NPAS3: variants seen among roughly 807,000 people sequenced by gnomAD.
NPAS3 encodes neuronal PAS domain-containing protein 3.
In NPAS3, 14 loss-of-function variants were observed where a neutral mutation model predicts 73.1. The ratio of observed to expected loss-of-function variants is 0.19; its 90% CI spans 0.13 to 0.30. NPAS3 has a LOEUF of 0.30. Among genes scored for constraint, NPAS3 ranks in the 10% least tolerant of loss-of-function variants. The pLI, the probability that NPAS3 is intolerant of heterozygous loss-of-function variation, is 1.00. For synonymous variants in NPAS3, 620 were observed against 541.5 expected, an observed-to-expected ratio of 1.14 and a Z score of -2.01; for missense variants, 1,096 against 1,250.0, an observed-to-expected ratio of 0.88 and a Z score of 1.86.
chr14:33,670,065 G>A (rs1328781656), intron 5 of NPAS3, among the ~76,000 whole-genome samples: 1 of 152,116 alleles, frequency 6.6e-6, no homozygotes, highest in Non-Finnish European at 1.5e-5. Context: ...TTTGGGTGCT[G>A]CGGTTGCAAT....
At chr14:33,231,262 A>G (rs945601935) in intron 3 of NPAS3, among the ~76,000 whole-genome samples, 7 of 152,214 alleles carry the variant, frequency 4.6e-5, no homozygotes, top group Non-Finnish European at 8.8e-5. Flanking sequence ...AGCAATTTGT[A>G]TTTTGTAAAA....
chr14:33,778,144 G>A (rs1282210284), intron 8 of NPAS3, among the ~76,000 whole-genome samples: 4 of 152,124 alleles, frequency 2.6e-5, no homozygotes, highest in African/African-American at 9.7e-5. Context: ...GGCCTGTAAT[G>A]AGGATCTTGC....
chr14:33,587,018 T>C (rs2056885886), intron 5 of NPAS3, among the ~76,000 whole-genome samples: 1 of 152,218 alleles, frequency 6.6e-6, no homozygotes, highest in East Asian at 1.9e-4. Context: ...CTTTTGTCTG[T>C]AGCTGAGTGC....
intron 2 of NPAS3, among the ~76,000 whole-genome samples, chr14:33,197,316 A>G (rs761187611): frequency 5.9e-4 from 90 of 151,532 alleles, no homozygotes; most frequent in Non-Finnish European, 1.1e-3. Context: ...GAAGCTACAG[A>G]TGAAGAGCAG....
upstream of NPAS3, chr14:32,935,137 A>G (rs2035656511): frequency 3.0e-6 from 1 of 335,940 alleles, no homozygotes; most frequent in Non-Finnish European, 4.6e-6. Context: ...CCCTCGTTCT[A>G]CAGATGAGGA....
chr14:33,557,410 T>C (rs1403060321), intron 4 of NPAS3, among the ~76,000 whole-genome samples: 2 of 152,204 alleles, frequency 1.3e-5, no homozygotes, highest in Non-Finnish European at 2.9e-5. Context: ...AAGGATTCTA[T>C]TGTTTGAACA....
In NPAS3 at chr14:33,406,327, G is replaced by A. The variant is rs140209895; in HGVS notation, c.468+39059G>A. Among the ~76,000 whole-genome samples, 276 of 152,138 alleles carry A rather than the reference G, an allele frequency of 1.8e-3. 1 individual carries two copies. The highest frequency in any genetic ancestry group is 6.4e-3 in the African/African-American group (266 of 41,530). On this transcript the variant is annotated intron_variant, in intron 4 of 11. Coordinates refer to ENST00000356141, the Ensembl canonical transcript of NPAS3. ...AGAGAGTAGAGTGTAAAAGAGATGGGGAGAAAAGGAGAGTAAACTAAGAAG... is the reference window on the plus strand; with the variant it reads ...AGAGAGTAGAGTGTAAAAGAGATGGAGAGAAAAGGAGAGTAAACTAAGAAG...
chr14:33,226,405 A>G (rs1260350877), intron 3 of NPAS3, among the ~76,000 whole-genome samples: 1 of 152,208 alleles, frequency 6.6e-6, no homozygotes, highest in East Asian at 1.9e-4. Context: ...TGTAACCATC[A>G]TTAAAAATCA....
intron 3 of NPAS3, among the ~76,000 whole-genome samples, chr14:33,345,603 T>C (rs1364746870): frequency 6.6e-6 from 1 of 152,212 alleles, no homozygotes; most frequent in Non-Finnish European, 1.5e-5. Flanking sequence ...TAGATTGATA[T>C]TCTTGAAGTT....
At chr14:33,492,602 A>G (rs1213974446) in intron 4 of NPAS3, among the ~76,000 whole-genome samples, 3 of 152,126 alleles carry the variant, frequency 2.0e-5, no homozygotes, top group Non-Finnish European at 4.4e-5. Context: ...TCCCATTTAG[A>G]ATGTAATATG....
intron 3 of NPAS3, among the ~76,000 whole-genome samples, chr14:33,322,502 A>G (rs1359462112): frequency 6.9e-6 from 1 of 144,788 alleles, no homozygotes; most frequent in African/African-American, 2.9e-5. Context: ...ACATACATAC[A>G]CATTTGTGTG....
chr14:33,753,358 TA>T (rs34619014), intron 7 of NPAS3, among the ~76,000 whole-genome samples: 31,271 of 129,308 alleles, frequency 0.24, 3,663 homozygotes, highest in African/African-American at 0.35. Flanking sequence ...GTTAAATTGA[TA>T]AAAAAAAAAA....
chr14:33,308,523 T>C (rs1463584163), intron 3 of NPAS3, among the ~76,000 whole-genome samples: 21 of 88,832 alleles, frequency 2.4e-4, no homozygotes, highest in African/African-American at 8.3e-4. Context: ...TATATATATA[T>C]ATATACATAC....
chr14:33,197,999 G>A (rs181331124), intron 2 of NPAS3, among the ~76,000 whole-genome samples: 1 of 152,298 alleles, frequency 6.6e-6, no homozygotes, highest in African/African-American at 2.4e-5. Flanking sequence ...CTGGCTTCAG[G>A]AGTGAAGCTG....
intron 1 of NPAS3, among the ~76,000 whole-genome samples, chr14:33,040,842 A>G (rs1349668608): frequency 1.3e-5 from 2 of 152,018 alleles, no homozygotes; most frequent in African/African-American, 2.4e-5. Flanking sequence ...ACTAATAATA[A>G]CCCTTCACAT....
chr14:33,678,731 A>G (rs1374173288), intron 6 of NPAS3, among the ~76,000 whole-genome samples: 1 of 143,120 alleles, frequency 7.0e-6, no homozygotes, highest in African/African-American at 2.7e-5. Flanking sequence ...CCCCAAATAC[A>G]TGTTGACAGT....
intron 1 of NPAS3, among the ~76,000 whole-genome samples, chr14:33,000,824 G>C (rs2038780458): frequency 6.6e-6 from 1 of 152,202 alleles, no homozygotes; most frequent in African/African-American, 2.4e-5. Flanking sequence ...AATACAGGAT[G>C]TAAAACTTAT....
intron 6 of NPAS3, among the ~76,000 whole-genome samples, chr14:33,692,836 T>TAAAAAAAAAAA (rs34684535): frequency 3.1e-5 from 2 of 64,032 alleles, no homozygotes; most frequent in African/African-American, 5.7e-5. Flanking sequence ...CCCAATGTCT[T>TAAAAAAAAAAA]AAAAAAAAAA....
chr14:33,644,995 CGCTTGAAACCG>C (rs2058785267), intron 5 of NPAS3, among the ~76,000 whole-genome samples: 1 of 150,398 alleles, frequency 6.6e-6, no homozygotes, highest in African/African-American at 2.4e-5. Context: ...GCAGGAGAAT[CGCTTGAAACCG>C]GAAGGTGGAG....
Sources: allele counts gnomAD v4.1 joint callset (sites outside exome capture counted in the v4.1 genomes callset), GRCh38; gene constraint gnomAD v4.1.1; transcripts MANE v1.5; gene names NCBI Gene and HGNC (gene_info 2026-07-23, HGNC 2026-07-21).